Variants in MYOM2 observed in about 807,000 individuals in gnomAD.
The protein encoded by MYOM2 is myomesin 2.
MYOM2 carries 254 observed loss-of-function variants against 187.6 expected under a neutral mutation model. That is an observed-to-expected ratio of 1.35 (90% CI 1.22 to 1.50). The LOEUF (loss-of-function observed/expected upper bound fraction) is 1.50. Among genes scored for constraint, MYOM2 ranks in the 40% most tolerant of loss-of-function variants. The pLI is 0.00. For missense variants in MYOM2, 2,796 were observed against 1,924.0 expected (o/e 1.45, Z -8.48); for synonymous variants, 981 against 753.8 (o/e 1.30, Z -4.94).
rs187266464 is a variant in MYOM2, at chr8:2,072,465, C to T, written c.914C>T (p.Pro305Leu). The part of the protein sequence containing the change: ...VTLKCTMLVT[P>L]DLKRVQPRAE... Reference sequence around the variant, plus strand: ...CTCAAGTGCACCATGCTGGTGACGCCGGACCTGAAGCGGGTGCAGCCGCGC... The same window carrying T: ...CTCAAGTGCACCATGCTGGTGACGCTGGACCTGAAGCGGGTGCAGCCGCGC... Residue 305 changes from proline (P) to leucine (L), a missense_variant, in exon 9 of 37, where the codon CCG becomes CTG. Pro to Leu is a moderately conservative substitution (Grantham distance 98). Transcript: ENST00000262113. The T allele has an allele frequency of 1.9e-5, 31 of 1,614,012 alleles. No homozygotes were observed. Among genetic ancestry groups the T allele is most frequent in the East Asian group, 1.1e-4 (5 of 44,870 alleles).
In MYOM2 at chr8:2,123,536, G is replaced by T. The variant is rs779550142; in HGVS notation, c.3568-19G>T. ...GCAGTATTGACTTTACATAAATATG[G>T]AATGTGTTTTCTTTGTAGTTGTCAA... On this transcript the variant is annotated intron_variant, in intron 29 of 36. Transcript: ENST00000262113. 25 of 1,603,340 alleles carry T rather than the reference G, an allele frequency of 1.6e-5. No individual in the cohort carries two copies. Among genetic ancestry groups the T allele is most frequent in the Non-Finnish European group, 1.9e-5 (22 of 1,170,798 alleles).
At position 2,125,842 on chromosome 8, in the gene MYOM2, T is replaced by C. The variant is rs190190359; in HGVS notation, c.3694+1625T>C. ...CCAGGATGGTCTCCATTTCCTGACATTGTGATCCGCCCGCCCGCCCACCGA... is the reference window on the plus strand; with the variant it reads ...CCAGGATGGTCTCCATTTCCTGACACTGTGATCCGCCCGCCCGCCCACCGA... On this transcript the variant is annotated intron_variant, in intron 31 of 36. Transcript: ENST00000262113. Among the ~76,000 whole-genome samples, 247 of 151,982 alleles carry C rather than the reference T, an allele frequency of 1.6e-3. 2 individuals carry two copies. Among genetic ancestry groups the C allele is most frequent in the Non-Finnish European group, 2.6e-3 (176 of 67,952 alleles).
intron 28 of MYOM2, chr8:2,119,353 GATT>G (rs984495249): frequency 2.6e-5 from 4 of 152,390 alleles, no homozygotes; most frequent in African/African-American, 9.6e-5. Flanking sequence ...CCAGCTCCAG[GATT>G]ATTAAGCAGA....
At chr8:2,086,597 GGGGAAAA>G (rs1796085457) in intron 14 of MYOM2, among the ~76,000 whole-genome samples, 1 of 152,354 alleles carries the variant, frequency 6.6e-6, no homozygotes, top group African/African-American at 2.4e-5. Flanking sequence ...CACCGTTGCT[GGGGAAAA>G]TGAGGTTAGG....
At chr8:2,124,939 T>G (rs1255619959) in intron 31 of MYOM2, among the ~76,000 whole-genome samples, 2 of 152,132 alleles carry the variant, frequency 1.3e-5, no homozygotes, top group African/African-American at 4.8e-5. Flanking sequence ...AATGGGTTAT[T>G]TGTTTTTTTC....
Position 2,109,411 on chromosome 8 carries a change from G to A in MYOM2, c.3060G>A (p.Ser1020=), listed in dbSNP as rs757666115. 28 of 1,606,610 alleles carry A rather than the reference G, an allele frequency of 1.7e-5. No homozygotes were observed. The highest frequency in any genetic ancestry group is 1.7e-4 in the Middle Eastern group (1 of 6,036). Reference sequence around the variant, plus strand: ...TTCCTGTAGCAATTCCTCTGAAATCGGAATTAGCTTATGAGATTTTTGATA... The same window carrying A: ...TTCCTGTAGCAATTCCTCTGAAATCAGAATTAGCTTATGAGATTTTTGATA... ...EIKNPTIPLK[S]ELAYEIFDKG... Residue 1020 remains serine, a synonymous_variant, in exon 25 of 37, where the codon TCG becomes TCA. Coordinates refer to ENST00000262113, the MANE Select transcript of MYOM2 (RefSeq NM_003970.4).
intron 1 of MYOM2, among the ~76,000 whole-genome samples, chr8:2,049,992 G>A (rs1054049373): frequency 4.6e-5 from 7 of 152,150 alleles, no homozygotes; most frequent in African/African-American, 1.7e-4. Flanking sequence ...TGCTACGCCT[G>A]TCTACCGTAA....
chr8:2,064,333 G>GA, intron 6 of MYOM2, among the ~76,000 whole-genome samples: 1 of 152,330 alleles, frequency 6.6e-6, no homozygotes, highest in South Asian at 2.1e-4. Flanking sequence ...GGTCGAAAGA[G>GA]AAAAGGTGAG....
At chr8:2,117,830 T>A (rs1585936213) in intron 27 of MYOM2, 55 bp from the exon 28 acceptor site, 1 of 1,254,936 alleles carries the variant, frequency 8.0e-7, no homozygotes, top group African/African-American at 1.6e-5. Flanking sequence ...AGCTATATAT[T>A]TATTTGTTTA....
Position 2,078,716 on chromosome 8 carries a change from TC to T in MYOM2, c.1263-17del, listed in dbSNP as rs1398072719. ...CACATTTGCTATTCTCTGTTGTTTT[TC>T]TTTTTTTAACTTGAAGATGTGAAGT... On this transcript the variant is annotated splice_polypyrimidine_tract_variant and intron_variant, in intron 11 of 36. Coordinates refer to ENST00000262113, the MANE Select transcript of MYOM2 (RefSeq NM_003970.4). 6.2e-7 allele frequency: 1 copy of T among 1,613,652 alleles called. No individual in the cohort carries two copies.
At chr8:2,083,519 C>A (rs1373469999) in intron 13 of MYOM2, among the ~76,000 whole-genome samples, 1 of 152,002 alleles carries the variant, frequency 6.6e-6, no homozygotes. Context: ...CAGCATCTCA[C>A]GTGTGCTTAG....
Position 2,116,037 on chromosome 8 carries a change from G to C in MYOM2, c.3258G>C (p.Gly1086=), listed in dbSNP as rs145361700. 1.2e-6 allele frequency: 2 copies of C among 1,613,976 alleles called. No homozygotes were observed. Among genetic ancestry groups the C allele is most frequent in the Non-Finnish European group, 8.5e-7 (1 of 1,179,964 alleles). Residue 1086 remains glycine, a synonymous_variant, in exon 26 of 37, where the codon GGG becomes GGC. Coordinates refer to ENST00000262113, the MANE Select transcript of MYOM2 (RefSeq NM_003970.4). ...ATCGATTTAGTATTGAAAATGAGGG[G>C]ACCTACACTGTGCAGATTCATGATG... ...VMDRFSIENE[G]TYTVQIHDGK... is the part of the protein sequence containing the mutation.
At chr8:2,107,572 G>A (rs1046623639) in intron 23 of MYOM2, among the ~76,000 whole-genome samples, 4 of 152,038 alleles carry the variant, frequency 2.6e-5, no homozygotes, top group African/African-American at 9.7e-5. Context: ...TCACACTCTC[G>A]GCTTCTCGAG....
chr8:2,141,096 C>T (rs1449301522), intron 33 of MYOM2, 45 bp from the exon 34 acceptor site: 10 of 1,572,734 alleles, frequency 6.4e-6, no homozygotes, highest in Non-Finnish European at 8.7e-6. Context: ...TAAATAAAAT[C>T]TGAACACTGA....
chr8:2,057,245 A>G, intron 3 of MYOM2, 103 bp from the exon 4 acceptor site: 2 of 1,368,546 alleles, frequency 1.5e-6, no homozygotes, highest in Non-Finnish European at 2.0e-6. Flanking sequence ...AACGCACTTA[A>G]GGAAACCCTA....
rs1585978358 is a variant in MYOM2 at position 2,138,753 on chromosome 8, G to T, written c.3801-1970G>T. 2.1e-5 allele frequency among the ~76,000 whole-genome samples: 3 copies of T among 140,518 alleles called. 1 individual carries two copies. In the South Asian group the frequency reaches 6.6e-4, roughly 31 times the overall value. The allele number at this position is 140,518 out of a possible 152,430, so 92.2% of individuals were successfully genotyped here. A position where few individuals can be genotyped will look rare whatever the true frequency, so the allele number is the denominator to read the frequency against. On this transcript the variant is annotated intron_variant, in intron 32 of 36. Coordinates refer to ENST00000262113, the MANE Select transcript of MYOM2 (RefSeq NM_003970.4). ...AGTAGATGTTGAGCATGTCTTCTTGGATTCTAAAACAACCGCACATGGGCA... is the reference window on the plus strand; with the variant it reads ...AGTAGATGTTGAGCATGTCTTCTTGTATTCTAAAACAACCGCACATGGGCA...
chr8:2,144,485 G>C (rs990197520), intron 36 of MYOM2, among the ~76,000 whole-genome samples, 179 bp from the exon 37 acceptor site: 5 of 152,168 alleles, frequency 3.3e-5, no homozygotes, highest in South Asian at 4.1e-4. Flanking sequence ...CCTGTTCCCT[G>C]CTGTCCTCTG....
At chr8:2,098,014 C>T (rs1796554375) in intron 18 of MYOM2, 3 of 152,134 alleles carry the variant, frequency 2.0e-5, no homozygotes, top group Non-Finnish European at 4.4e-5. Context: ...GTTTCAGATT[C>T]CACATCTGAG....
chr8:2,109,450 C>G lies in MYOM2; in HGVS notation c.3099C>G (p.Arg1033=). Residue 1033 remains arginine (R), a synonymous_variant, in exon 25 of 37, where the codon CGC becomes CGG. Coordinates refer to ENST00000262113, the MANE Select transcript of MYOM2 (RefSeq NM_003970.4). ...AGATTTTTGATAAGGGGCGGGTTCG[C>G]TTCTGGCTCCAGGCTGAGCACTTAT... The part of the protein sequence containing the change: ...AYEIFDKGRV[R]FWLQAEHLSP... 1 of 1,613,312 alleles carries G rather than the reference C, an allele frequency of 6.2e-7. No homozygotes were observed. The highest frequency in any genetic ancestry group is 8.5e-7 in the Non-Finnish European group (1 of 1,179,650).
Sources: gnomAD v4.1 joint callset for allele counts (sites outside exome capture counted in the v4.1 genomes callset) on GRCh38, gnomAD v4.1.1 for gene constraint, MANE v1.5 for transcripts, NCBI Gene and HGNC (gene_info 2026-07-23, HGNC 2026-07-21) for gene names.